The following DLG5 variants were observed in gnomAD, a reference collection of about 807,000 sequenced individuals.
DLG5 encodes disks large homolog 5.
Under a neutral mutation model 189.8 loss-of-function variants are expected in DLG5, and 48 were observed. That is an observed-to-expected ratio of 0.25 (90% CI 0.20 to 0.32). The LOEUF is 0.32. Ranked by LOEUF, DLG5 falls within the 10% of genes least tolerant of loss-of-function variation. DLG5 has a pLI of 1.00. For missense variants in DLG5, 2,160 were observed against 2,544.7 expected (o/e 0.85, Z 3.25); for synonymous variants, 1,016 against 1,054.1 (o/e 0.96, Z 0.70).
intron 2 of DLG5, among the ~76,000 whole-genome samples, chr10:77,862,691 C>T (rs1844517547): frequency 6.6e-6 from 1 of 152,236 alleles, no homozygotes; most frequent in South Asian, 2.1e-4. Flanking sequence ...GAATAAACAA[C>T]TGTGTTATGT....
At chr10:77,891,947 C>T (rs1442247154) in intron 1 of DLG5, among the ~76,000 whole-genome samples, 1 of 152,212 alleles carries the variant, frequency 6.6e-6, no homozygotes, top group African/African-American at 2.4e-5. Context: ...CCCTGCCCCT[C>T]TCTCAGACTC....
At position 77,821,461 on chromosome 10, in the gene DLG5, C is replaced by A. The variant is rs755270256; in HGVS notation, c.3023G>T (p.Gly1008Val). The A allele has an allele frequency of 3.8e-5, 62 of 1,612,750 alleles. No individual in the cohort carries two copies. Among genetic ancestry groups the A allele is most frequent in the Non-Finnish European group, 5.2e-5 (61 of 1,179,930 alleles). The change falls in exon 15 of 32, where the codon GGG (glycine) becomes GTG (valine). Residue 1008 changes from glycine (G) to valine (V), a missense_variant. Gly to Val is a moderately radical substitution (Grantham distance 109). Transcript: ENST00000372391. Reference sequence around the variant, plus strand: ...GGGAGGTTTTGGGGGTGTCAGAGGCCCCGCCCTCTTGGAGGGCTGGGGAGA... The same window carrying A: ...GGGAGGTTTTGGGGGTGTCAGAGGCACCGCCCTCTTGGAGGGCTGGGGAGA... ...AHSPQPSKRA[G>V]PLTPPKPPRR...
intron 14 of DLG5, 39 bp from the exon 15 acceptor site, chr10:77,822,140 A>G (rs1842402219): frequency 6.3e-7 from 1 of 1,575,460 alleles, no homozygotes; most frequent in Non-Finnish European, 8.6e-7. Context: ...AGAGAGTGAG[A>G]TGGCAGGACT....
intron 27 of DLG5, among the ~76,000 whole-genome samples, chr10:77,802,303 C>G (rs1841248222): frequency 6.6e-6 from 1 of 152,098 alleles, no homozygotes; most frequent in Admixed American, 6.5e-5. Context: ...TTTAAAGCAC[C>G]CAAGTAAAAC....
At chr10:77,819,538 C>T in intron 16 of DLG5, 73 bp from the exon 17 acceptor site, 3 of 1,527,780 alleles carry the variant, frequency 2.0e-6, no homozygotes, top group Non-Finnish European at 2.6e-6. Flanking sequence ...AGCCTTTCCC[C>T]TGTATCCCAG....
chr10:77,888,150 A>G (rs1470949852), intron 1 of DLG5, among the ~76,000 whole-genome samples: 1 of 152,212 alleles, frequency 6.6e-6, no homozygotes, highest in Non-Finnish European at 1.5e-5. Flanking sequence ...GTCCATGGTG[A>G]CTACATCAAA....
rs1840956671 is a variant in DLG5, at chr10:77,796,967, T to G, written c.5165-373A>C. ...AAAGCTCCCACTCCCCAGGAAGGTGTGGTCAGTGTAACCCAGACCTGCCCA... is the reference window on the plus strand; with the variant it reads ...AAAGCTCCCACTCCCCAGGAAGGTGGGGTCAGTGTAACCCAGACCTGCCCA... On this transcript the variant is annotated intron_variant, in intron 27 of 31. Coordinates refer to ENST00000372391, the MANE Select transcript of DLG5 (RefSeq NM_004747.4). This position sits in a 1 kb window ranked among gnomAD's most constrained non-coding sequence, Gnocchi z 5.2. Among the ~76,000 whole-genome samples the G allele has an allele frequency of 6.6e-6, 1 of 152,308 alleles. No homozygotes were observed. Among genetic ancestry groups the G allele is most frequent in the Admixed American group, 6.5e-5 (1 of 15,302 alleles).
At chr10:77,869,100 C>T (rs755103031) in intron 2 of DLG5, 29 bp downstream of exon 2, 22 of 1,606,496 alleles carry the variant, frequency 1.4e-5, no homozygotes, top group East Asian at 4.5e-5. Context: ...CTGGCCCACC[C>T]GGTGTCCTCC....
At position 77,926,734 on chromosome 10, in the gene DLG5, G is replaced by A. The variant is rs1467558996; in HGVS notation, c.-214C>T. 1 of 159,872 alleles carries A rather than the reference G, an allele frequency of 6.3e-6. No individual in the cohort carries two copies. Among genetic ancestry groups the A allele is most frequent in the Non-Finnish European group, 1.3e-5 (1 of 75,658 alleles). The allele number at this position is 159,872 out of a possible 1,614,324, so 9.9% of individuals were successfully genotyped here. On this transcript the variant is annotated 5_prime_UTR_variant, in exon 1 of 32. Coordinates refer to ENST00000372391, the MANE Select transcript of DLG5 (RefSeq NM_004747.4). The surrounding 1 kb of genome is among the most constrained non-coding windows in gnomAD (Gnocchi z 5.2). ...CCGGGCTCCGGAGCGCAGCCATGTTGGCTGCCGCGGCGGCGGGACTGGAAG... is the reference window on the plus strand; with the variant it reads ...CCGGGCTCCGGAGCGCAGCCATGTTAGCTGCCGCGGCGGCGGGACTGGAAG...
Position 77,874,520 on chromosome 10 carries a change from C to T in DLG5, c.305-5323G>A, listed in dbSNP as rs1054356416. On this transcript the variant is annotated intron_variant, in intron 1 of 31. Coordinates refer to ENST00000372391, the MANE Select transcript of DLG5 (RefSeq NM_004747.4). ...TGTGATGGGCCAGTCAAAATGCAGG[C>T]GCAGGATACAGTTTATTCTGCTTCC... is the stretch of plus-strand genomic sequence containing the variant. Among the ~76,000 whole-genome samples, 7 of 152,108 alleles carry T rather than the reference C, an allele frequency of 4.6e-5. No individual in the cohort carries two copies. The East Asian group carries it at 5.8e-4, about 13-fold the overall frequency.
intron 20 of DLG5, among the ~76,000 whole-genome samples, chr10:77,814,464 TATATATATATATA>T (rs1841943471): frequency 3.7e-4 from 11 of 30,088 alleles, no homozygotes; most frequent in Non-Finnish European, 4.7e-4. Context: ...AGCATGTTTA[TATATATATATATA>T]TATATATATA....
At position 77,821,388 on chromosome 10, in the gene DLG5, G is replaced by A. The variant is rs199767734; in HGVS notation, c.3096C>T (p.Ser1032=). The A allele has an allele frequency of 3.0e-5, 49 of 1,612,502 alleles. No homozygotes were observed. Among genetic ancestry groups the A allele is most frequent in the South Asian group, 1.5e-4 (14 of 91,078 alleles). ...IKFQHRLETS[S]ESEATLVGSS... The stretch of plus-strand genomic sequence containing the variant: ...TGCCCACCAGAGTGGCTTCTGACTC[G>A]GAGCTAGTCTCCAGCCTGTGCTGGA... Residue 1032 remains serine, a synonymous_variant, in exon 15 of 32, where the codon TCC becomes TCT. Coordinates refer to ENST00000372391, the MANE Select transcript of DLG5 (RefSeq NM_004747.4).
chr10:77,834,124 C>T, intron 8 of DLG5, 85 bp from the exon 9 acceptor site: 1 of 1,519,154 alleles, frequency 6.6e-7, no homozygotes, highest in Non-Finnish European at 8.8e-7. Context: ...CTGGCCACCT[C>T]ACTCCAAATA....
At chr10:77,937,805 A>G in the DLG5 span, among the ~76,000 whole-genome samples, 1 of 125,944 alleles carries the variant, frequency 7.9e-6, no homozygotes, top group Non-Finnish European at 1.6e-5. Flanking sequence ...TGCAACCTCC[A>G]CCTCCTGGGT....
chr10:77,886,373 T>A (rs1845440301), intron 1 of DLG5, among the ~76,000 whole-genome samples: 1 of 128,950 alleles, frequency 7.8e-6, no homozygotes. Context: ...CGTGTGAGAG[T>A]AGTAATGTTG....
chr10:77,814,969 A>G (rs2154575408), intron 20 of DLG5, among the ~76,000 whole-genome samples: 1 of 152,312 alleles, frequency 6.6e-6, no homozygotes, highest in African/African-American at 2.4e-5. Flanking sequence ...TTGCTCAGTC[A>G]GGTCACACAT....
chr10:77,817,941 T>C (rs1842145470), intron 17 of DLG5, 52 bp from the exon 18 acceptor site: 1 of 1,440,652 alleles, frequency 6.9e-7, no homozygotes, highest in Non-Finnish European at 9.5e-7. Flanking sequence ...GGAACAGATG[T>C]GGCCACTGGG....
intron 1 of DLG5, chr10:77,889,345 T>C (rs1397219337): frequency 2.7e-5 from 4 of 149,848 alleles, no homozygotes; most frequent in South Asian, 4.1e-4. Context: ...TCAGAGAAAA[T>C]GAGGTCTGTT....
At chr10:77,935,660 C>T in the DLG5 span, among the ~76,000 whole-genome samples, 144 of 152,288 alleles carry the variant, frequency 9.5e-4, 1 homozygote, top group African/African-American at 3.4e-3. Flanking sequence ...TTAGCGCATG[C>T]GTGTGCACAC....
Sources: gnomAD v4.1 joint callset for allele counts (sites outside exome capture counted in the v4.1 genomes callset) on GRCh38, gnomAD v4.1.1 for gene constraint, Gnocchi (gnomAD v3.1) non-coding constraint, MANE v1.5 for transcripts, NCBI Gene and HGNC (gene_info 2026-07-23, HGNC 2026-07-21) for gene names.